Variants in FBXL4 observed in about 807,000 individuals in gnomAD.
The protein encoded by FBXL4 is F-box and leucine rich repeat protein 4.
In FBXL4, 40 loss-of-function variants were observed where a neutral mutation model predicts 58.9. The ratio of observed to expected loss-of-function variants is 0.68; its 90% CI spans 0.53 to 0.88. The LOEUF (loss-of-function observed/expected upper bound fraction) is 0.88. Among genes scored for constraint, FBXL4 ranks in the 40% least tolerant of loss-of-function variants. The probability of loss-of-function intolerance (pLI) is 0.00; values close to 1 mark genes in which losing one functional copy is unlikely to be tolerated. For missense variants in FBXL4, 676 were observed against 734.4 expected, an observed-to-expected ratio of 0.92 and a Z score of 0.92; for synonymous variants, 263 against 265.5, an observed-to-expected ratio of 0.99 and a Z score of 0.09.
chr6:98,943,894 A>AAT (rs903363260), intron 1 of FBXL4, among the ~76,000 whole-genome samples: 2 of 152,204 alleles, frequency 1.3e-5, no homozygotes, highest in African/African-American at 4.8e-5. Context: ...ACAATTACAC[A>AAT]TATTATCTTT....
chr6:98,896,310 T>C (rs1178533021), intron 7 of FBXL4, among the ~76,000 whole-genome samples: 1 of 152,200 alleles, frequency 6.6e-6, no homozygotes, highest in Non-Finnish European at 1.5e-5. Context: ...CATAACGCTT[T>C]GCTTAAGTGA....
intron 1 of FBXL4, among the ~76,000 whole-genome samples, chr6:98,938,209 TC>T (rs543406549): frequency 3.7e-4 from 57 of 152,306 alleles, no homozygotes; most frequent in African/African-American, 1.3e-3. Flanking sequence ...AATGGCATAT[TC>T]AATGGTGTAA....
chr6:98,900,182 C>A (rs1014301060), intron 6 of FBXL4, among the ~76,000 whole-genome samples: 1 of 152,098 alleles, frequency 6.6e-6, no homozygotes, highest in Non-Finnish European at 1.5e-5. Context: ...GAAAAATAGT[C>A]CTGTCTATGA....
At chr6:98,893,724 T>C (rs1016245111) in intron 7 of FBXL4, among the ~76,000 whole-genome samples, 2 of 152,186 alleles carry the variant, frequency 1.3e-5, no homozygotes, top group Non-Finnish European at 2.9e-5. Flanking sequence ...TTTCAACTTA[T>C]ATTCAAATGG....
intron 2 of FBXL4, among the ~76,000 whole-genome samples, chr6:98,931,395 T>C (rs1448711304): frequency 6.6e-6 from 1 of 152,238 alleles, no homozygotes; most frequent in Non-Finnish European, 1.5e-5. Flanking sequence ...AGTTATAAAC[T>C]GTAAATATAT....
chr6:98,884,028 T>G (rs540224639), intron 7 of FBXL4, among the ~76,000 whole-genome samples: 3 of 152,170 alleles, frequency 2.0e-5, no homozygotes, highest in South Asian at 2.1e-4. Flanking sequence ...TCATAATTTT[T>G]TTTTATATCT....
intron 6 of FBXL4, 81 bp from the exon 7 acceptor site, chr6:98,899,562 G>A (rs1215237316): frequency 1.4e-6 from 2 of 1,422,582 alleles, no homozygotes; most frequent in South Asian, 1.4e-5. Context: ...GCAACTCTAA[G>A]TAGATACATT....
chr6:98,872,682 T>TG lies in FBXL4; in HGVS notation c.*1595dup, dbSNP rs1770524730. The TG allele has an allele frequency of 6.6e-6, 1 of 152,318 alleles. No homozygotes were observed. Among genetic ancestry groups the TG allele is most frequent in the East Asian group, 1.9e-4 (1 of 5,190 alleles). The allele number at this position is 152,318 out of a possible 1,614,324, so 9.4% of individuals were successfully genotyped here. On this transcript the variant is annotated 3_prime_UTR_variant, in exon 10 of 10. Coordinates refer to ENST00000369244, the MANE Select transcript of FBXL4 (RefSeq NM_001278716.2). The stretch of plus-strand genomic sequence containing the variant: ...CACAAAGCCTAAAATATTTACTATC[T>TG]GGCCCTTTATAGAAAAAGTTTCCTG...
intron 7 of FBXL4, among the ~76,000 whole-genome samples, chr6:98,890,848 G>A (rs1771201346): frequency 6.6e-6 from 1 of 152,118 alleles, no homozygotes; most frequent in South Asian, 2.1e-4. Context: ...GGACTAGGGA[G>A]GCGGAGGTTG....
intron 6 of FBXL4, among the ~76,000 whole-genome samples, chr6:98,900,008 T>C (rs905508161): frequency 5.9e-5 from 9 of 152,216 alleles, no homozygotes; most frequent in African/African-American, 1.9e-4. Context: ...AGCACTGTTA[T>C]GGTACTTGCA....
chr6:98,889,280 T>C (rs1424634717), intron 7 of FBXL4, among the ~76,000 whole-genome samples: 2 of 152,188 alleles, frequency 1.3e-5, no homozygotes, highest in Admixed American at 1.3e-4. Flanking sequence ...CTCCAATGAT[T>C]ATAACAGGAG....
intron 2 of FBXL4, among the ~76,000 whole-genome samples, chr6:98,928,566 G>A (rs898855076): frequency 6.6e-6 from 1 of 152,092 alleles, no homozygotes. Flanking sequence ...CTGACCTCAG[G>A]TGATCTGCCT....
intron 2 of FBXL4, among the ~76,000 whole-genome samples, chr6:98,932,313 G>C (rs947762490): frequency 6.6e-6 from 1 of 152,066 alleles, no homozygotes; most frequent in African/African-American, 2.4e-5. Context: ...CACAATCAAG[G>C]AATACCAAAA....
At position 98,905,473 on chromosome 6, in the gene FBXL4, T is replaced by C. The variant is rs779748858; in HGVS notation, c.1056A>G (p.Leu352=). 10 of 1,613,898 alleles carry C rather than the reference T, an allele frequency of 6.2e-6. No homozygotes were observed. Among genetic ancestry groups the C allele is most frequent in the African/African-American group, 1.3e-5 (1 of 74,900 alleles). Reference sequence around the variant, plus strand: ...TGAAGCCTCTATTGCCAGTCCAAGATAAATTAAGCCACTGGACAAGAGTGC... The same window carrying C: ...TGAAGCCTCTATTGCCAGTCCAAGACAAATTAAGCCACTGGACAAGAGTGC... The part of the protein sequence containing the change: ...SRCTLVQWLN[L]SWTGNRGFIS... Residue 352 remains leucine, a synonymous_variant, in exon 6 of 10, where the codon TTA becomes TTG. Coordinates refer to ENST00000369244, the MANE Select transcript of FBXL4 (RefSeq NM_001278716.2).
intron 7 of FBXL4, among the ~76,000 whole-genome samples, chr6:98,882,943 T>G (rs180681705): frequency 6.8e-4 from 104 of 152,138 alleles, no homozygotes; most frequent in Non-Finnish European, 1.3e-3. Context: ...AGAAGAGTAT[T>G]TCTCTAGAGA....
chr6:98,923,475 C>G (rs1326229129), intron 4 of FBXL4, among the ~76,000 whole-genome samples: 1 of 152,182 alleles, frequency 6.6e-6, no homozygotes, highest in African/African-American at 2.4e-5. Context: ...ACTTTTCTCA[C>G]TTCTTCAAAC....
At chr6:98,910,793 G>T (rs1487286725) in intron 5 of FBXL4, among the ~76,000 whole-genome samples, 2 of 152,228 alleles carry the variant, frequency 1.3e-5, no homozygotes, top group African/African-American at 2.4e-5. Flanking sequence ...GAGGTACCGG[G>T]TTCATCTCAC....
rs1371202968 is a variant in FBXL4 at position 98,917,484 on chromosome 6, C to A, written c.748G>T (p.Ala250Ser). The A allele has an allele frequency of 1.9e-6, 3 of 1,614,038 alleles. No individual in the cohort carries two copies. Among genetic ancestry groups the A allele is most frequent in the Non-Finnish European group, 2.5e-6 (3 of 1,179,938 alleles). Residue 250 changes from alanine (A) to serine (S), a missense_variant, in exon 5 of 10, where the codon GCC (alanine) becomes TCC (serine). Transcript: ENST00000369244. ...LIDMNDIEDD[A>S]YAEKDGCGMD... ...CCACAACCATCCTTTTCTGCATAGG[C>A]ATCATCTTCTATATCATTCATGTCA...
chr6:98,910,235 G>A (rs1771983551), intron 5 of FBXL4, among the ~76,000 whole-genome samples: 1 of 152,194 alleles, frequency 6.6e-6, no homozygotes, highest in African/African-American at 2.4e-5. Context: ...AGGTTTTCAT[G>A]TCACACAGCC....
Sources: gnomAD v4.1 joint callset for allele counts (sites outside exome capture counted in the v4.1 genomes callset) on GRCh38, gnomAD v4.1.1 for gene constraint, MANE v1.5 for transcripts, NCBI Gene and HGNC (gene_info 2026-07-23, HGNC 2026-07-21) for gene names.